INPP4A: variants seen among roughly 807,000 people sequenced by gnomAD.
INPP4A encodes the protein inositol polyphosphate-4-phosphatase, type I, 107kD.
In INPP4A, 33 loss-of-function variants were observed where a neutral mutation model predicts 119.8. The ratio of observed to expected loss-of-function variants is 0.28; its 90% CI spans 0.21 to 0.37. The LOEUF (loss-of-function observed/expected upper bound fraction) is 0.37. INPP4A is among the 10% of genes least tolerant of loss of function. The pLI, the probability that INPP4A is intolerant of heterozygous loss-of-function variation, is 1.00. For synonymous variants in INPP4A, 496 were observed against 500.7 expected (o/e 0.99, Z 0.12); for missense variants, 956 against 1,289.9 (o/e 0.74, Z 3.97).
rs1480158824 is a variant in INPP4A, at chr2:98,589,372, T to C, written c.*1764T>C. 1.1e-5 allele frequency: 2 copies of C among 184,652 alleles called. No homozygotes were observed. Among genetic ancestry groups the C allele is most frequent in the Non-Finnish European group, 2.3e-5 (2 of 87,180 alleles). 11.4% of individuals were successfully genotyped at this position (184,652 alleles called of 1,614,324 possible). On this transcript the variant is annotated 3_prime_UTR_variant, in exon 25 of 25. Coordinates refer to ENST00000409851, the MANE Select transcript of INPP4A (RefSeq NM_001134225.2). The stretch of plus-strand genomic sequence containing the variant: ...CCATCTCATTTAATTTGTAAATTTT[T>C]AGTTCTGTCTTTTCTCATTTTAACT...
intron 24 of INPP4A, among the ~76,000 whole-genome samples, chr2:98,580,530 C>T (rs1189420964): frequency 6.6e-6 from 1 of 152,246 alleles, no homozygotes; most frequent in Non-Finnish European, 1.5e-5. Flanking sequence ...TCGAAGTAGG[C>T]CTTCCTGAGT....
chr2:98,508,490 C>A (rs1046183328), intron 1 of INPP4A, among the ~76,000 whole-genome samples: 1 of 152,192 alleles, frequency 6.6e-6, no homozygotes, highest in Non-Finnish European at 1.5e-5. Context: ...CAGAGATAAG[C>A]CCAACTCACA....
chr2:98,466,476 G>A (rs1206002340), intron 1 of INPP4A, among the ~76,000 whole-genome samples: 2 of 152,210 alleles, frequency 1.3e-5, no homozygotes, highest in Non-Finnish European at 2.9e-5. Flanking sequence ...TTCACTAAGC[G>A]TCGTTGCTGT....
intron 1 of INPP4A, among the ~76,000 whole-genome samples, chr2:98,470,398 C>T (rs1359723427): frequency 1.3e-5 from 2 of 152,244 alleles, no homozygotes; most frequent in Non-Finnish European, 2.9e-5. Flanking sequence ...CTTGGCGCTG[C>T]TTCTGAGCTC....
rs1387404886 is a variant in INPP4A at position 98,555,772 on chromosome 2, A to G, written c.1786A>G (p.Met596Val). Residue 596 changes from methionine to valine, a missense_variant, in exon 16 of 25, where the codon ATG becomes GTG. Transcript: ENST00000409851. ...CCCCTCCTCACCATGCCCCTCCACC[A>G]TGCCCTCCACTGCATGCCATCCTCA... Reference protein sequence around the residue: ...DVPSSPCPSTMPSTACHPHLT... With the variant: ...DVPSSPCPSTVPSTACHPHLT... 3 of 1,577,074 alleles carry G rather than the reference A, an allele frequency of 1.9e-6. No individual in the cohort carries two copies. The highest frequency in any genetic ancestry group is 1.4e-5 in the African/African-American group (1 of 73,980).
chr2:98,464,467 T>G (rs928690012), intron 1 of INPP4A, among the ~76,000 whole-genome samples: 10 of 152,206 alleles, frequency 6.6e-5, no homozygotes, highest in African/African-American at 1.9e-4. Flanking sequence ...AGGGGAGAGA[T>G]AAACCTCTTT....
At chr2:98,574,568 G>A (rs1698089842) in intron 23 of INPP4A, among the ~76,000 whole-genome samples, 1 of 151,846 alleles carries the variant, frequency 6.6e-6, no homozygotes. Context: ...AACCTGGGAG[G>A]CGGAGGTTGC....
chr2:98,544,063 ACT>A, intron 11 of INPP4A, 56 bp downstream of exon 11: 10 of 1,195,656 alleles, frequency 8.4e-6, no homozygotes, highest in Middle Eastern at 2.3e-4. Context: ...ACACACACAC[ACT>A]CTCACTCTCA....
At chr2:98,470,771 T>G (rs1675844214) in intron 1 of INPP4A, among the ~76,000 whole-genome samples, 1 of 151,994 alleles carries the variant, frequency 6.6e-6, no homozygotes, top group African/African-American at 2.4e-5. Context: ...GGGTTTAAGC[T>G]GTTCTCCTGC....
In INPP4A at chr2:98,546,543, G is replaced by A; in HGVS notation, c.1055-43G>A. On this transcript the variant is annotated intron_variant, in intron 12 of 24. Coordinates refer to ENST00000409851, the MANE Select transcript of INPP4A (RefSeq NM_001134225.2). The surrounding 1 kb of genome is among the most constrained non-coding windows in gnomAD (Gnocchi z 4.2). ...TATCCCTATAGCTGGCTTGTCCACA[G>A]GCCTGAGCCCAGAGTAATGGAGGAG... 1.4e-6 allele frequency: 2 copies of A among 1,442,700 alleles called. No individual in the cohort carries two copies. The highest frequency in any genetic ancestry group is 9.7e-7 in the Non-Finnish European group (1 of 1,026,978). 89.4% of individuals were successfully genotyped at this position (1,442,700 alleles called of 1,614,324 possible).
chr2:98,469,593 A>G (rs563734683), intron 1 of INPP4A, among the ~76,000 whole-genome samples: 130 of 152,186 alleles, frequency 8.5e-4, no homozygotes, highest in African/African-American at 3.1e-3. Flanking sequence ...ACCTGAGGTC[A>G]GGAGTTCGAG....
chr2:98,508,609 C>G (rs1474941486), intron 1 of INPP4A, among the ~76,000 whole-genome samples: 1 of 152,226 alleles, frequency 6.6e-6, no homozygotes. Context: ...TCGGTCCTTT[C>G]ATACACTTAT....
At chr2:98,548,214 C>T (rs565042649) in intron 13 of INPP4A, among the ~76,000 whole-genome samples, 45 of 152,230 alleles carry the variant, frequency 3.0e-4, no homozygotes, top group African/African-American at 8.2e-4. Flanking sequence ...CGGTGAGTCC[C>T]GGAGGGAGGA....
intron 13 of INPP4A, among the ~76,000 whole-genome samples, chr2:98,552,289 AG>A (rs1693671600): frequency 1.3e-5 from 2 of 152,146 alleles, no homozygotes; most frequent in South Asian, 4.1e-4. Context: ...GTTCACAGGG[AG>A]CTTGAATGCC....
At chr2:98,513,299 G>A (rs1446871522) in intron 1 of INPP4A, among the ~76,000 whole-genome samples, 1 of 152,130 alleles carries the variant, frequency 6.6e-6, no homozygotes, top group South Asian at 2.1e-4. Flanking sequence ...CTTCCTGGGC[G>A]GCCCCCTCAA....
chr2:98,466,743 C>G (rs1674869185), intron 1 of INPP4A, among the ~76,000 whole-genome samples: 1 of 152,214 alleles, frequency 6.6e-6, no homozygotes, highest in Non-Finnish European at 1.5e-5. Context: ...TGATGTCTAT[C>G]TGTCTTCTTT....
chr2:98,563,306 C>T (rs1695824123), intron 17 of INPP4A, among the ~76,000 whole-genome samples, 159 bp from the exon 18 acceptor site: 1 of 152,082 alleles, frequency 6.6e-6, no homozygotes, highest in Admixed American at 6.5e-5. Context: ...GGCTAGAGGG[C>T]TAGAGACTGG....
Position 98,541,259 on chromosome 2 carries a change from G to A in INPP4A, c.818+1584G>A, listed in dbSNP as rs565856228. Among the ~76,000 whole-genome samples the A allele has an allele frequency of 3.3e-5, 5 of 151,810 alleles. No individual in the cohort carries two copies. The South Asian group carries it at 8.4e-4, about 25-fold the overall frequency. On this transcript the variant is annotated intron_variant, in intron 10 of 24. Transcript: ENST00000409851. ...GGAGAATGGCGTGAACCCAGGAGGC[G>A]GAGCTTGCAGTGAGCCGAGATCACG...
intron 14 of INPP4A, among the ~76,000 whole-genome samples, chr2:98,553,637 A>AGCT (rs1480972719): frequency 6.6e-6 from 1 of 152,100 alleles, no homozygotes; most frequent in African/African-American, 2.4e-5. Context: ...TGTGCTGTTG[A>AGCT]GCTGCTGTTC....
Sources: allele counts gnomAD v4.1 joint callset (sites outside exome capture counted in the v4.1 genomes callset), GRCh38; gene constraint gnomAD v4.1.1; non-coding constraint Gnocchi (gnomAD v3.1); transcripts MANE v1.5; gene names NCBI Gene and HGNC (gene_info 2026-07-23, HGNC 2026-07-21).